The following LY9 variants were observed in gnomAD, a reference collection of about 807,000 sequenced individuals.
LY9 encodes lymphocyte antigen 9.
In LY9, 59 loss-of-function variants were observed where a neutral mutation model predicts 64.6. That is an observed-to-expected ratio of 0.91 (90% confidence interval 0.74 to 1.13). The LOEUF (loss-of-function observed/expected upper bound fraction) is 1.13. Ranked by LOEUF, LY9 falls within the 50% of genes most tolerant of loss-of-function variation. The pLI is 0.00. For missense variants in LY9, 789 were observed against 797.2 expected, an observed-to-expected ratio of 0.99 and a Z score of 0.12; for synonymous variants, 281 against 308.5, an observed-to-expected ratio of 0.91 and a Z score of 0.93.
intron 1 of LY9, among the ~76,000 whole-genome samples, chr1:160,796,868 A>G (rs509219): frequency 0.32 from 48,838 of 151,756 alleles, 7,986 homozygotes; most frequent in South Asian, 0.46. Flanking sequence ...TGTTCCCTGT[A>G]TGGTGTGGAT....
intron 2 of LY9, chr1:160,802,426 G>A (rs1420190941): frequency 1.0e-6 from 1 of 986,258 alleles, no homozygotes; most frequent in African/African-American, 1.7e-5. Flanking sequence ...ACTCCCCGAG[G>A]AGCTGGGATC....
intron 5 of LY9, among the ~76,000 whole-genome samples, 177 bp downstream of exon 5, chr1:160,817,040 G>A (rs150550571): frequency 1.6e-4 from 24 of 152,278 alleles, no homozygotes; most frequent in East Asian, 3.9e-4. Flanking sequence ...TAATAGCCAC[G>A]TTAGAAAAAG....
At chr1:160,801,503 G>C (rs1347015915) in intron 2 of LY9, among the ~76,000 whole-genome samples, 2 of 152,092 alleles carry the variant, frequency 1.3e-5, no homozygotes, top group African/African-American at 2.4e-5. Flanking sequence ...CATTCAACTC[G>C]TTGTCTCTTC....
rs376341054 is a variant in LY9 at position 160,813,725 on chromosome 1, G to A, written c.544G>A (p.Gly182Arg). The A allele has an allele frequency of 2.2e-5, 35 of 1,614,042 alleles. No individual in the cohort carries two copies. The highest frequency in any genetic ancestry group is 2.7e-5 in the Non-Finnish European group (32 of 1,180,030). ...CATCACTCTAATGTGCTCCGTGAAG[G>A]GGGCAGAGAAAAGTGTTCTGTACAG... ...CNITLMCSVK[G>R]AEKSVLYSWT... is the part of the protein sequence containing the mutation. The change falls in exon 3 of 10, where the codon GGG (glycine) becomes AGG (arginine). Residue 182 changes from glycine to arginine, a missense_variant. Transcript: ENST00000263285.
Position 160,809,748 on chromosome 1 carries a change from C to T in LY9, c.455-3888C>T, listed in dbSNP as rs974629683. ...CCCACCAGCAATGTTTGAGAGACAC[C>T]ATTTCCTTATATTCTCAATAACAAA... is the stretch of plus-strand genomic sequence containing the variant. On this transcript the variant is annotated intron_variant, in intron 2 of 9. Coordinates refer to ENST00000263285, the MANE Select transcript of LY9 (RefSeq NM_002348.4). 3 of 152,164 alleles carry T rather than the reference C, an allele frequency of 2.0e-5. No homozygotes were observed. In the South Asian group the frequency reaches 6.2e-4, roughly 32 times the overall value. 9.4% of individuals were successfully genotyped at this position (152,164 alleles called of 1,614,324 possible).
At chr1:160,825,223 T>C (rs1668789688) in intron 9 of LY9, among the ~76,000 whole-genome samples, 1 of 149,994 alleles carries the variant, frequency 6.7e-6, no homozygotes. Flanking sequence ...AAAAAAAAAA[T>C]CCCTTACAGG....
intron 7 of LY9, among the ~76,000 whole-genome samples, chr1:160,820,885 G>T (rs1477543207): frequency 2.0e-5 from 3 of 150,790 alleles, no homozygotes; most frequent in African/African-American, 7.3e-5. Context: ...GGGCACGGTG[G>T]CTCACGCCTA....
intron 2 of LY9, among the ~76,000 whole-genome samples, chr1:160,804,872 G>A (rs1208251057): frequency 6.6e-6 from 1 of 152,090 alleles, no homozygotes; most frequent in Non-Finnish European, 1.5e-5. Context: ...CAGTTTGTCA[G>A]AGTATAGTTG....
intron 2 of LY9, among the ~76,000 whole-genome samples, chr1:160,809,155 A>G (rs2101777260): frequency 6.6e-6 from 1 of 151,352 alleles, no homozygotes; most frequent in South Asian, 2.1e-4. Context: ...GAATATATAT[A>G]TGGGGTCAAA....
chr1:160,823,800 A>T lies in LY9; in HGVS notation c.1830+4A>T, dbSNP rs762655707. 1 of 1,604,260 alleles carries T rather than the reference A, an allele frequency of 6.2e-7. No homozygotes were observed. The highest frequency in any genetic ancestry group is 1.1e-5 in the South Asian group (1 of 90,708). On this transcript the variant is annotated splice_donor_region_variant and intron_variant, in intron 8 of 9. Coordinates refer to ENST00000263285, the MANE Select transcript of LY9 (RefSeq NM_002348.4). ...TGCACAAGTGTTCAACTTACAGGTG[A>T]GCCCTTCTGATCAATACACCTTCCT...
At chr1:160,825,726 A>G (rs532286239) in intron 9 of LY9, among the ~76,000 whole-genome samples, 50 of 152,318 alleles carry the variant, frequency 3.3e-4, no homozygotes, top group African/African-American at 1.2e-3. Flanking sequence ...CCTGGCCAAC[A>G]TGGTAAAACC....
intron 7 of LY9, among the ~76,000 whole-genome samples, chr1:160,820,885 G>A (rs1477543207): frequency 6.6e-6 from 1 of 150,792 alleles, no homozygotes; most frequent in Non-Finnish European, 1.5e-5. Context: ...GGGCACGGTG[G>A]CTCACGCCTA....
At chr1:160,819,056 G>T (rs1045254501) in intron 6 of LY9, among the ~76,000 whole-genome samples, 1 of 152,182 alleles carries the variant, frequency 6.6e-6, no homozygotes, top group Non-Finnish European at 1.5e-5. Flanking sequence ...AAACTACTCT[G>T]ATCAGTGGCT....
intron 7 of LY9, 123 bp downstream of exon 7, chr1:160,819,497 A>G: frequency 1.2e-6 from 1 of 838,950 alleles, no homozygotes; most frequent in Non-Finnish European, 2.0e-6. Context: ...CTTGTTAGAA[A>G]TGCAAAATCT....
intron 2 of LY9, chr1:160,801,836 C>T (rs139973592): frequency 2.4e-5 from 39 of 1,614,060 alleles, no homozygotes; most frequent in Non-Finnish European, 3.3e-5. Flanking sequence ...AGGGTGACCA[C>T]CGCACACTCC....
At chr1:160,815,652 C>T (rs1159661472) in intron 4 of LY9, among the ~76,000 whole-genome samples, 1 of 152,242 alleles carries the variant, frequency 6.6e-6, no homozygotes, top group Non-Finnish European at 1.5e-5. Flanking sequence ...TCCCAAAGTG[C>T]TGGGATTACA....
chr1:160,797,413 T>C (rs532772341), intron 1 of LY9: 1 of 394,970 alleles, frequency 2.5e-6, no homozygotes, highest in African/African-American at 2.2e-5. Flanking sequence ...CTCTTTTCAC[T>C]TTCAATTTTA....
Position 160,819,367 on chromosome 1 carries a change from T to C in LY9, c.1491T>C (p.Asp497=). 1.9e-6 allele frequency: 3 copies of C among 1,613,350 alleles called. No individual in the cohort carries two copies. Among genetic ancestry groups the C allele is most frequent in the South Asian group, 2.2e-5 (2 of 91,064 alleles). The change falls in exon 7 of 10, where the codon GAT becomes GAC. Residue 497 remains aspartate, a synonymous_variant. Transcript: ENST00000263285. ...FCSSQAEAPA[D]TPEPTAGHTL... The stretch of plus-strand genomic sequence containing the variant: ...CCAGCCAAGCTGAGGCCCCAGCGGA[T>C]ACACCAGGTAACATCACCCATGACA...
At chr1:160,819,155 C>A (rs1668180474) in intron 6 of LY9, among the ~76,000 whole-genome samples, 166 bp from the exon 7 acceptor site, 1 of 152,170 alleles carries the variant, frequency 6.6e-6, no homozygotes, top group Non-Finnish European at 1.5e-5. Flanking sequence ...TCTGGCCACC[C>A]CTTCACATAG....
Sources: allele counts gnomAD v4.1 joint callset (sites outside exome capture counted in the v4.1 genomes callset), GRCh38; gene constraint gnomAD v4.1.1; transcripts MANE v1.5; gene names NCBI Gene and HGNC (gene_info 2026-07-23, HGNC 2026-07-21).